Variants in ARSL observed in about 807,000 individuals in gnomAD.
ARSL encodes the protein arylsulfatase L.
ARSL carries 4 observed loss-of-function variants against 31.1 expected under a neutral mutation model. The observed-to-expected ratio is 0.13, with a 90% CI of 0.06 to 0.29. The LOEUF is 0.29. Among genes scored for constraint, ARSL ranks in the 10% least tolerant of loss-of-function variants. The pLI is 1.00. For missense variants in ARSL, 312 were observed against 497.8 expected, an observed-to-expected ratio of 0.63 and a Z score of 3.55; for synonymous variants, 198 against 209.9, an observed-to-expected ratio of 0.94 and a Z score of 0.49.
chrX:2,944,169 C>T (rs1294756972), intron 7 of ARSL, among the ~76,000 whole-genome samples: 2 of 110,245 alleles, frequency 1.8e-5, no homozygotes, highest in African/African-American at 6.6e-5. Context: ...GAGTGAGACC[C>T]TGTCGGCCAG....
At chrX:2,940,405 C>T (rs930960998) in intron 8 of ARSL, among the ~76,000 whole-genome samples, 47 of 111,427 alleles carry the variant, frequency 4.2e-4, no homozygotes, top group Admixed American at 2.0e-3. Flanking sequence ...TGGTGGCTCA[C>T]GCCTGGAATC....
At chrX:2,951,642 AAAG>A (rs1282473731) in intron 5 of ARSL, among the ~76,000 whole-genome samples, 9 of 107,353 alleles carry the variant, frequency 8.4e-5, no homozygotes, top group Non-Finnish European at 1.7e-4. Context: ...AAAAGAAAAA[AAAG>A]AAAAAATTAA....
upstream of ARSL, among the ~76,000 whole-genome samples, chrX:2,966,595 G>GTGA (rs1203060466): frequency 9.6e-6 from 1 of 104,467 alleles, no homozygotes; most frequent in Non-Finnish European, 1.9e-5. Context: ...GAGCAACAAA[G>GTGA]TGAGAGCCTA....
intron 2 of ARSL, among the ~76,000 whole-genome samples, chrX:2,959,343 T>C (rs1317245774): frequency 1.8e-5 from 2 of 111,906 alleles, no homozygotes; most frequent in East Asian, 2.8e-4. Context: ...GGTTCCAGCC[T>C]GGAGGAGAAA....
chrX:2,951,463 T>C (rs2089458548), intron 5 of ARSL, among the ~76,000 whole-genome samples: 3 of 109,709 alleles, frequency 2.7e-5, no homozygotes, highest in Middle Eastern at 4.7e-3. Context: ...CCCTTAAGGA[T>C]AGACTCTTCT....
chrX:2,956,960 G>A (rs956917349), intron 3 of ARSL, among the ~76,000 whole-genome samples: 11 of 106,533 alleles, frequency 1.0e-4, no homozygotes, highest in East Asian at 3.1e-4. Context: ...GGTGGCTCAC[G>A]CCTGTAATCT....
upstream of ARSL, among the ~76,000 whole-genome samples, chrX:2,966,486 G>T (rs1334880503): frequency 9.3e-6 from 1 of 107,122 alleles, no homozygotes; most frequent in Non-Finnish European, 1.9e-5. Context: ...CATAAAATAT[G>T]TAAATAAGGC....
At chrX:2,957,708 C>CAAAAAAAAA (rs761423845) in intron 3 of ARSL, among the ~76,000 whole-genome samples, 1 of 54,004 alleles carries the variant, frequency 1.9e-5, no homozygotes, top group African/African-American at 6.3e-5. Flanking sequence ...GATTCTGTCT[C>CAAAAAAAAA]AAAAAAAAAA....
At chrX:2,966,369 A>AG (rs2089699878), upstream of ARSL, among the ~76,000 whole-genome samples, 1 of 111,099 alleles carries the variant, frequency 9.0e-6, no homozygotes, top group Non-Finnish European at 1.9e-5. Context: ...ATTTCCTCGT[A>AG]GGGGGCCTAA....
chrX:2,961,205 C>T (rs1168825318), intron 1 of ARSL, among the ~76,000 whole-genome samples: 1 of 110,984 alleles, frequency 9.0e-6, no homozygotes, highest in Non-Finnish European at 1.9e-5. Flanking sequence ...ACGGGCGACC[C>T]CCAAAGCACA....
At chrX:2,956,385 A>G (rs2089524389) in intron 3 of ARSL, among the ~76,000 whole-genome samples, 1 of 111,949 alleles carries the variant, frequency 8.9e-6, no homozygotes, top group African/African-American at 3.2e-5. Flanking sequence ...CTAGATGGAT[A>G]GGGTTGGGAG....
At chrX:2,964,136 A>C in intron 1 of ARSL, 88 bp downstream of exon 1, 1 of 749,373 alleles carries the variant, frequency 1.3e-6, no homozygotes, top group Non-Finnish European at 1.6e-6. Flanking sequence ...GAGACAGAAA[A>C]GGGAACGGGG....
At chrX:2,943,475 C>T (rs2089310279) in intron 7 of ARSL, among the ~76,000 whole-genome samples, 2 of 110,787 alleles carry the variant, frequency 1.8e-5, no homozygotes, top group Admixed American at 9.7e-5. Context: ...GGCACAGTGG[C>T]TCACACTTGT....
intron 6 of ARSL, among the ~76,000 whole-genome samples, chrX:2,949,066 G>A (rs2089424374): frequency 9.0e-6 from 1 of 110,669 alleles, no homozygotes; most frequent in South Asian, 4.0e-4. Context: ...GGGATTACAG[G>A]CATGCACCTG....
intron 5 of ARSL, among the ~76,000 whole-genome samples, chrX:2,950,558 A>G (rs1301179443): frequency 1.8e-5 from 2 of 111,259 alleles, no homozygotes; most frequent in Non-Finnish European, 3.8e-5. Flanking sequence ...TTCTCATGGT[A>G]GTGAATGAGT....
chrX:2,962,084 C>G (rs1457977229), intron 1 of ARSL, among the ~76,000 whole-genome samples: 1 of 110,031 alleles, frequency 9.1e-6, no homozygotes, highest in Non-Finnish European at 1.9e-5. Context: ...TGGAAGCCCC[C>G]TGACTTTGAG....
chrX:2,948,052 C>T (rs988630235), intron 6 of ARSL, among the ~76,000 whole-genome samples: 6 of 112,155 alleles, frequency 5.3e-5, no homozygotes, highest in Admixed American at 2.8e-4. Context: ...AACTCAGGAG[C>T]GGAGGTCGCA....
chrX:2,952,256 T>A (rs932751417), intron 5 of ARSL, among the ~76,000 whole-genome samples: 2 of 110,667 alleles, frequency 1.8e-5, no homozygotes, highest in Non-Finnish European at 1.9e-5. Context: ...TTTTTTCTTA[T>A]TTTTTTTTAT....
intron 8 of ARSL, among the ~76,000 whole-genome samples, chrX:2,941,657 G>T (rs1475028372): frequency 8.9e-6 from 1 of 112,081 alleles, no homozygotes; most frequent in Non-Finnish European, 1.9e-5. Flanking sequence ...CTACCTGTAG[G>T]CTGGAAGCCC....
Sources: allele counts gnomAD v4.1 joint callset (sites outside exome capture counted in the v4.1 genomes callset), GRCh38; gene constraint gnomAD v4.1.1; transcripts MANE v1.5; gene names NCBI Gene and HGNC (gene_info 2026-07-23, HGNC 2026-07-21).